Variants in CNIH3 observed in about 807,000 individuals in gnomAD.
CNIH3 encodes protein cornichon homolog 3.
In CNIH3, 14 loss-of-function variants were observed where a neutral mutation model predicts 24.1. The ratio of observed to expected loss-of-function variants is 0.58; its 90% CI spans 0.38 to 0.91. The LOEUF (loss-of-function observed/expected upper bound fraction) is 0.91. Among genes scored for constraint, CNIH3 ranks in the 40% least tolerant of loss-of-function variants. The pLI is 0.00. For missense variants in CNIH3, 178 were observed against 196.8 expected (o/e 0.90, Z 0.57); for synonymous variants, 68 against 73.8 (o/e 0.92, Z 0.40).
chr1:224,436,823 C>G (rs1175850295), intron 1 of CNIH3: 2 of 152,276 alleles, frequency 1.3e-5, no homozygotes, highest in Non-Finnish European at 2.9e-5. Flanking sequence ...TTGCTCACCA[C>G]AGGTTGCTTT....
At chr1:224,549,046 C>T (rs867297223) in intron 3 of CNIH3, among the ~76,000 whole-genome samples, 6 of 151,778 alleles carry the variant, frequency 4.0e-5, no homozygotes, top group South Asian at 2.1e-4. Context: ...TGATACTACT[C>T]GTAATATCAC....
chr1:224,623,384 A>C (rs1053505403), intron 1 of CNIH3, among the ~76,000 whole-genome samples: 1 of 150,952 alleles, frequency 6.6e-6, no homozygotes, highest in African/African-American at 2.4e-5. Context: ...CCAGGAGTCT[A>C]CTCTCTTCCC....
intron 1 of CNIH3, among the ~76,000 whole-genome samples, chr1:224,487,970 T>A (rs1265181891): frequency 1.3e-5 from 2 of 152,172 alleles, no homozygotes; most frequent in Non-Finnish European, 2.9e-5. Context: ...ACCCTATTCT[T>A]TCATTAAGCA....
At chr1:224,540,695 A>G (rs1679480069), downstream of CNIH3, among the ~76,000 whole-genome samples, 1 of 152,236 alleles carries the variant, frequency 6.6e-6, no homozygotes, top group Non-Finnish European at 1.5e-5. Flanking sequence ...ATTTGTAATG[A>G]CAGCTTAAGA....
At chr1:224,617,298 G>A in intron 1 of CNIH3, 43 bp downstream of exon 1, 1 of 1,597,952 alleles carries the variant, frequency 6.3e-7, no homozygotes, top group Non-Finnish European at 8.5e-7. Flanking sequence ...CCCCAATTTC[G>A]CTAAATTTCC....
chr1:224,624,039 G>A (rs1683403153), intron 1 of CNIH3, among the ~76,000 whole-genome samples: 1 of 152,152 alleles, frequency 6.6e-6, no homozygotes, highest in Non-Finnish European at 1.5e-5. Context: ...ATAAAACAAA[G>A]CCCTCTGCAT....
intron 3 of CNIH3, among the ~76,000 whole-genome samples, chr1:224,559,906 A>AT (rs1680294408): frequency 6.6e-6 from 1 of 152,104 alleles, no homozygotes; most frequent in African/African-American, 2.4e-5. Flanking sequence ...ATGTCTTTGC[A>AT]TTTTTTTCCA....
At chr1:224,705,665 T>C (rs1234333982) in intron 3 of CNIH3, among the ~76,000 whole-genome samples, 1 of 152,118 alleles carries the variant, frequency 6.6e-6, no homozygotes, top group Non-Finnish European at 1.5e-5. Context: ...GTGTCTGTTC[T>C]CTCTGTAGCA....
intron 1 of CNIH3, among the ~76,000 whole-genome samples, chr1:224,461,419 G>A (rs1258096256): frequency 6.6e-6 from 1 of 152,114 alleles, no homozygotes; most frequent in Non-Finnish European, 1.5e-5. Flanking sequence ...TCTTTAAGGG[G>A]AGATAAGCAT....
intron 3 of CNIH3, among the ~76,000 whole-genome samples, chr1:224,601,416 T>A (rs567799556): frequency 2.6e-4 from 40 of 152,312 alleles, no homozygotes; most frequent in Admixed American, 3.9e-4. Flanking sequence ...GTGCACATGC[T>A]TGAGCCCATT....
At chr1:224,640,023 T>C (rs1684280400) in intron 1 of CNIH3, among the ~76,000 whole-genome samples, 1 of 152,216 alleles carries the variant, frequency 6.6e-6, no homozygotes, top group Non-Finnish European at 1.5e-5. Flanking sequence ...GCCTGTAAAC[T>C]GTAGATAAGG....
intron 3 of CNIH3, among the ~76,000 whole-genome samples, chr1:224,723,764 A>G (rs1364345541): frequency 6.6e-6 from 1 of 152,210 alleles, no homozygotes; most frequent in Non-Finnish European, 1.5e-5. Flanking sequence ...GTGGTCAGCC[A>G]TGAGGGTCCA....
intron 1 of CNIH3, among the ~76,000 whole-genome samples, chr1:224,507,583 C>A (rs1572382162): frequency 6.6e-6 from 1 of 152,250 alleles, no homozygotes; most frequent in East Asian, 1.9e-4. Flanking sequence ...CCTGAGGGCC[C>A]ATAGTTAAAT....
Position 224,641,380 on chromosome 1 carries a change from C to A in CNIH3, c.81+24125C>A, listed in dbSNP as rs1252528132. The stretch of plus-strand genomic sequence containing the variant: ...TCCCCTCCATCCTTCCCCACCTGGA[C>A]TCTTTGGATTCCCCACTTTTATTCA... On this transcript the variant is annotated intron_variant, in intron 1 of 5. Transcript: ENST00000272133. Among the ~76,000 whole-genome samples the A allele has an allele frequency of 2.0e-5, 3 of 152,230 alleles. No homozygotes were observed. In the East Asian group the frequency reaches 5.8e-4, roughly 29 times the overall value.
Position 224,688,807 on chromosome 1 carries a change from C to T in CNIH3, c.198+3964C>T, listed in dbSNP as rs1247426182. 1.3e-4 allele frequency among the ~76,000 whole-genome samples: 20 copies of T among 151,850 alleles called. No individual in the cohort carries two copies. In the East Asian group the frequency reaches 3.9e-3, roughly 29 times the overall value. ...GGGCGTGGTGGTGGGCGCCTGTAATCCCAGCTACTCGGGAGGCTAAGGCAG... is the reference window on the plus strand; with the variant it reads ...GGGCGTGGTGGTGGGCGCCTGTAATTCCAGCTACTCGGGAGGCTAAGGCAG... On this transcript the variant is annotated intron_variant, in intron 3 of 5. Coordinates refer to ENST00000272133, the MANE Select transcript of CNIH3 (RefSeq NM_152495.2).
chr1:224,614,176 G>A (rs1451813722), upstream of CNIH3, among the ~76,000 whole-genome samples: 1 of 152,158 alleles, frequency 6.6e-6, no homozygotes, highest in African/African-American at 2.4e-5. Flanking sequence ...CACCATGCCT[G>A]GCCAGGTATT....
At chr1:224,647,798 A>G (rs957183408) in intron 1 of CNIH3, among the ~76,000 whole-genome samples, 2 of 151,940 alleles carry the variant, frequency 1.3e-5, no homozygotes, top group Admixed American at 1.3e-4. Flanking sequence ...CCAGATCAGC[A>G]TAAGGAACCT....
chr1:224,732,474 G>T (rs189783580), intron 4 of CNIH3, among the ~76,000 whole-genome samples: 99 of 152,274 alleles, frequency 6.5e-4, no homozygotes, highest in Admixed American at 1.4e-3. Context: ...AAGTGAGCTG[G>T]GTTTCATTTT....
chr1:224,696,173 T>G (rs930268182), intron 3 of CNIH3, among the ~76,000 whole-genome samples: 3 of 152,218 alleles, frequency 2.0e-5, no homozygotes, highest in Non-Finnish European at 4.4e-5. Context: ...TCTTTGGAGC[T>G]CTGTCATTTT....
Sources: allele counts gnomAD v4.1 joint callset (sites outside exome capture counted in the v4.1 genomes callset), GRCh38; gene constraint gnomAD v4.1.1; transcripts MANE v1.5; gene names NCBI Gene and HGNC (gene_info 2026-07-23, HGNC 2026-07-21).